Variants in NEGR1 observed in about 807,000 individuals in gnomAD.
NEGR1 encodes the protein IgLON family member 4.
NEGR1 carries 10 observed loss-of-function variants against 40.9 expected under a neutral mutation model. The observed-to-expected ratio is 0.24, with a 90% CI of 0.15 to 0.42. The LOEUF (loss-of-function observed/expected upper bound fraction) is 0.42, where lower values mean the gene tolerates loss of function less well. Among genes scored for constraint, NEGR1 ranks in the 10% least tolerant of loss-of-function variants. NEGR1 has a pLI of 1.00. For synonymous variants in NEGR1, 185 were observed against 166.8 expected (o/e 1.11, Z -0.84); for missense variants, 352 against 438.9 (o/e 0.80, Z 1.77).
At chr1:71,688,271 C>T (rs1347949062) in intron 4 of NEGR1, among the ~76,000 whole-genome samples, 2 of 132,472 alleles carry the variant, frequency 1.5e-5, no homozygotes, top group East Asian at 2.2e-4. Flanking sequence ...TGTTACATTG[C>T]CCGGAAAACA....
chr1:71,761,540 C>G (rs1655941557), intron 3 of NEGR1, among the ~76,000 whole-genome samples: 2 of 152,044 alleles, frequency 1.3e-5, no homozygotes. Context: ...TGAGGTATAT[C>G]CATAGCAATA....
At chr1:71,904,320 T>A (rs1661220080) in intron 2 of NEGR1, among the ~76,000 whole-genome samples, 1 of 152,104 alleles carries the variant, frequency 6.6e-6, no homozygotes. Context: ...ATAACTATTA[T>A]GTGCCAATTC....
At chr1:71,502,702 G>A (rs1268538927) in intron 6 of NEGR1, among the ~76,000 whole-genome samples, 1 of 152,168 alleles carries the variant, frequency 6.6e-6, no homozygotes, top group African/African-American at 2.4e-5. Flanking sequence ...GGCAACAGAA[G>A]GAGAAAAGCA....
chr1:71,784,466 G>C (rs145280827), intron 2 of NEGR1, among the ~76,000 whole-genome samples: 5 of 152,086 alleles, frequency 3.3e-5, no homozygotes, highest in African/African-American at 1.2e-4. Context: ...AACTCACTGA[G>C]AGCAGCATAG....
intron 1 of NEGR1, among the ~76,000 whole-genome samples, chr1:72,250,481 C>G (rs1655051448): frequency 6.6e-6 from 1 of 152,006 alleles, no homozygotes; most frequent in African/African-American, 2.4e-5. Flanking sequence ...TAACTAGGAA[C>G]AAACAATGAA....
chr1:71,997,605 A>G (rs955329275), intron 1 of NEGR1, among the ~76,000 whole-genome samples: 1 of 151,926 alleles, frequency 6.6e-6, no homozygotes, highest in Non-Finnish European at 1.5e-5. Flanking sequence ...CGACAGAAAC[A>G]ACACTATTTT....
intron 1 of NEGR1, among the ~76,000 whole-genome samples, chr1:72,227,508 CA>C (rs1337088517): frequency 6.6e-6 from 1 of 152,036 alleles, no homozygotes. Context: ...TGATAAAAAA[CA>C]GCAGACGGTG....
chr1:72,256,057 T>A (rs1335488425), intron 1 of NEGR1, among the ~76,000 whole-genome samples: 1 of 152,224 alleles, frequency 6.6e-6, no homozygotes, highest in East Asian at 1.9e-4. Context: ...ATATTAAAAA[T>A]TGGAATCCAA....
chr1:71,592,167 G>A (rs1649521308), intron 6 of NEGR1, among the ~76,000 whole-genome samples: 1 of 152,110 alleles, frequency 6.6e-6, no homozygotes, highest in African/African-American at 2.4e-5. Flanking sequence ...AATTATAGGA[G>A]GAAACATTCA....
In NEGR1 at chr1:72,138,724, C is replaced by T. The variant is rs74887993; in HGVS notation, c.176+143595G>A. Among the ~76,000 whole-genome samples the T allele has an allele frequency of 2.4e-4, 37 of 151,928 alleles. No homozygotes were observed. The East Asian group carries it at 6.2e-3, about 25-fold the overall frequency. On this transcript the variant is annotated intron_variant, in intron 1 of 6. Transcript: ENST00000357731. ...GAACAAATGTTCAAAATACATGAAGCAAAAACTGCTAAAACTGCAAGCATA... is the reference window on the plus strand; with the variant it reads ...GAACAAATGTTCAAAATACATGAAGTAAAAACTGCTAAAACTGCAAGCATA...
intron 1 of NEGR1, among the ~76,000 whole-genome samples, chr1:72,251,564 C>T (rs1475723006): frequency 2.0e-5 from 3 of 152,142 alleles, no homozygotes; most frequent in Non-Finnish European, 4.4e-5. Context: ...CTACCCTCAT[C>T]CTTCCATGTA....
At chr1:71,473,378 G>A (rs1646796442) in intron 6 of NEGR1, among the ~76,000 whole-genome samples, 1 of 152,054 alleles carries the variant, frequency 6.6e-6, no homozygotes, top group African/African-American at 2.4e-5. Context: ...GATGTCAGAA[G>A]ATAATGAAAT....
In NEGR1 at chr1:71,398,872, A is replaced by T. The variant is rs1257696394; in HGVS notation, c.*8574T>A. 6.6e-6 allele frequency: 1 copy of T among 152,094 alleles called. No homozygotes were observed. Among genetic ancestry groups the T allele is most frequent in the Non-Finnish European group, 1.5e-5 (1 of 68,024 alleles). 9.4% of individuals were successfully genotyped at this position (152,094 alleles called of 1,614,324 possible). A position where few individuals can be genotyped will look rare whatever the true frequency, so the allele number is the denominator to read the frequency against. ...TCCCATGCTGTTCTTGTGATAGTGA[A>T]TGGGTCTCATGAGATCTGATGGTTT... On this transcript the variant is annotated 3_prime_UTR_variant, in exon 7 of 7. Coordinates refer to ENST00000357731, the MANE Select transcript of NEGR1 (RefSeq NM_173808.3).
intron 2 of NEGR1, among the ~76,000 whole-genome samples, chr1:71,879,201 T>C (rs1660516931): frequency 6.6e-6 from 1 of 151,878 alleles, no homozygotes; most frequent in African/African-American, 2.4e-5. Context: ...CAAAAAAAAT[T>C]ATACAAATGT....
chr1:72,073,391 T>G (rs1236220223), intron 1 of NEGR1, among the ~76,000 whole-genome samples: 1 of 152,092 alleles, frequency 6.6e-6, no homozygotes, highest in Non-Finnish European at 1.5e-5. Flanking sequence ...AGTCACTAAA[T>G]TTTGATTTGC....
chr1:72,218,698 T>C (rs577761225), intron 1 of NEGR1, among the ~76,000 whole-genome samples: 2 of 152,004 alleles, frequency 1.3e-5, no homozygotes, highest in East Asian at 3.9e-4. Flanking sequence ...CCTCTGACTT[T>C]TGAAGGATTA....
intron 1 of NEGR1, among the ~76,000 whole-genome samples, chr1:72,265,550 T>C (rs945654185): frequency 6.6e-5 from 10 of 150,850 alleles, no homozygotes; most frequent in Non-Finnish European, 1.5e-4. Flanking sequence ...ATATATGCAA[T>C]CAATAAACTA....
intron 1 of NEGR1, among the ~76,000 whole-genome samples, chr1:72,000,521 C>A (rs1003655633): frequency 2.0e-5 from 3 of 152,080 alleles, no homozygotes; most frequent in Admixed American, 2.0e-4. Flanking sequence ...GAATTATTTA[C>A]ATTTTTAATA....
At chr1:71,664,189 T>A (rs1652164035) in intron 4 of NEGR1, among the ~76,000 whole-genome samples, 1 of 152,152 alleles carries the variant, frequency 6.6e-6, no homozygotes, top group Non-Finnish European at 1.5e-5. Context: ...TACCACAAGC[T>A]CACTGTATGT....
Sources: allele counts gnomAD v4.1 joint callset (sites outside exome capture counted in the v4.1 genomes callset), GRCh38; gene constraint gnomAD v4.1.1; transcripts MANE v1.5; gene names NCBI Gene and HGNC (gene_info 2026-07-23, HGNC 2026-07-21).